Variants in HDLBP observed in about 807,000 individuals in gnomAD.
HDLBP encodes vigilin.
HDLBP carries 30 observed loss-of-function variants against 137.3 expected under a neutral mutation model. That is an observed-to-expected ratio of 0.22 (90% CI 0.16 to 0.30). The LOEUF (loss-of-function observed/expected upper bound fraction) is 0.30. HDLBP is among the 10% of genes least tolerant of loss of function. HDLBP has a pLI of 1.00. For missense variants in HDLBP, 1,119 were observed against 1,667.3 expected, an observed-to-expected ratio of 0.67 and a Z score of 5.73; for synonymous variants, 606 against 596.0, an observed-to-expected ratio of 1.02 and a Z score of -0.24.
rs899877903 is a variant in HDLBP at position 241,253,397 on chromosome 2, T to A, written c.1289A>T (p.Asp430Val). 5 of 1,601,480 alleles carry A rather than the reference T, an allele frequency of 3.1e-6. No homozygotes were observed. In the African/African-American group the frequency reaches 5.4e-5, roughly 17 times the overall value. ...AQEQIEGMVK[D>V]LINRMDYVEI... ...ACATTCCAAGGGGTACCTTACCAAA[T>A]CTTTGACCATGCCTTCTATCTGTTC... Residue 430 changes from aspartate (D) to valine (V), a missense_variant, in exon 10 of 28, where the codon GAT becomes GTT. By Grantham distance (152) the Asp-to-Val change is radical. Transcript: ENST00000310931.
intron 1 of HDLBP, among the ~76,000 whole-genome samples, chr2:241,310,474 TTTTA>T (rs2075726137): frequency 6.6e-6 from 1 of 152,238 alleles, no homozygotes; most frequent in Non-Finnish European, 1.5e-5. Flanking sequence ...GTTAACTTGA[TTTTA>T]TTATTTATTG....
intron 1 of HDLBP, among the ~76,000 whole-genome samples, chr2:241,300,753 G>A (rs952151479): frequency 6.6e-5 from 10 of 152,226 alleles, no homozygotes; most frequent in Admixed American, 2.0e-4. Context: ...GGCTGAACCC[G>A]GGGACACCCC....
intron 1 of HDLBP, among the ~76,000 whole-genome samples, chr2:241,293,203 A>G (rs112714780): frequency 4.1e-4 from 63 of 152,288 alleles, no homozygotes; most frequent in African/African-American, 1.4e-3. Context: ...AATTGATGAA[A>G]TATAAGACCA....
chr2:241,264,725 A>G, intron 3 of HDLBP, 120 bp from the exon 4 acceptor site: 3 of 906,914 alleles, frequency 3.3e-6, no homozygotes, highest in South Asian at 1.8e-5. Context: ...TCCAAGGACA[A>G]CTCCCCCCAC....
At chr2:241,259,320 T>C (rs1318436840) in intron 5 of HDLBP, among the ~76,000 whole-genome samples, 1 of 152,134 alleles carries the variant, frequency 6.6e-6, no homozygotes, top group African/African-American at 2.4e-5. Context: ...GGGAGCAGGG[T>C]GAAGGTAACA....
chr2:241,275,592 A>T (rs1198408341), intron 1 of HDLBP, among the ~76,000 whole-genome samples: 1 of 152,202 alleles, frequency 6.6e-6, no homozygotes, highest in East Asian at 1.9e-4. Flanking sequence ...AAGACAGAGA[A>T]GGTGTCTAGC....
intron 7 of HDLBP, 25 bp from the exon 8 acceptor site, chr2:241,255,605 A>G: frequency 6.3e-7 from 1 of 1,587,402 alleles, no homozygotes; most frequent in South Asian, 1.1e-5. Context: ...CATAAGGGGC[A>G]GTCAAAGGGA....
intron 1 of HDLBP, among the ~76,000 whole-genome samples, chr2:241,288,502 A>G (rs916596025): frequency 6.6e-6 from 1 of 152,220 alleles, no homozygotes; most frequent in Non-Finnish European, 1.5e-5. Context: ...AAAAATGGGC[A>G]GAGCTTATTC....
intron 5 of HDLBP, among the ~76,000 whole-genome samples, chr2:241,261,792 A>G (rs571164836): frequency 1.3e-5 from 2 of 152,288 alleles, no homozygotes; most frequent in South Asian, 4.1e-4. Flanking sequence ...CTGGACCTGC[A>G]TTAGGTGGCA....
chr2:241,302,123 G>C (rs1408416773), intron 1 of HDLBP, among the ~76,000 whole-genome samples: 1 of 151,852 alleles, frequency 6.6e-6, no homozygotes, highest in African/African-American at 2.4e-5. Context: ...GCCAGGTACA[G>C]TGCCTGTAGT....
At chr2:241,311,487 AG>A (rs1463729966) in intron 1 of HDLBP, among the ~76,000 whole-genome samples, 1 of 152,238 alleles carries the variant, frequency 6.6e-6, no homozygotes, top group Non-Finnish European at 1.5e-5. Flanking sequence ...GGAGAGTTAC[AG>A]GAAGATTTCA....
chr2:241,254,996 A>C, intron 9 of HDLBP, 55 bp downstream of exon 9: 1 of 1,336,066 alleles, frequency 7.5e-7, no homozygotes. Flanking sequence ...TATCAGAAAC[A>C]GAAAGACAGA....
Position 241,228,966 on chromosome 2 carries a change from G to A in HDLBP, c.*635C>T, listed in dbSNP as rs895071298. 3 of 153,036 alleles carry A rather than the reference G, an allele frequency of 2.0e-5. No individual in the cohort carries two copies. Among genetic ancestry groups the A allele is most frequent in the African/African-American group, 7.2e-5 (3 of 41,416 alleles). The allele number at this position is 153,036 out of a possible 1,614,324, so 9.5% of individuals were successfully genotyped here. ...AGTGGAGGTAGGGGCAGGGACCCTT[G>A]GTGCTTTCAGACCCCACGGCAGGTA... is the stretch of plus-strand genomic sequence containing the variant. On this transcript the variant is annotated 3_prime_UTR_variant, in exon 28 of 28. Transcript: ENST00000310931.
chr2:241,231,677 CCTCA>C (rs1477292367), intron 24 of HDLBP, among the ~76,000 whole-genome samples: 5 of 152,078 alleles, frequency 3.3e-5, no homozygotes, highest in Admixed American at 6.5e-5. Context: ...CGAGCCCCTC[CCTCA>C]CTCAGAGATC....
chr2:241,298,495 C>T (rs1354520297), intron 1 of HDLBP, among the ~76,000 whole-genome samples: 3 of 152,010 alleles, frequency 2.0e-5, no homozygotes, highest in African/African-American at 4.8e-5. Flanking sequence ...AACAATCAAC[C>T]GAATTAACTG....
In HDLBP at chr2:241,255,084, C is replaced by T. The variant is rs780063807; in HGVS notation, c.1155G>A (p.Gln385=). The T allele has an allele frequency of 6.2e-6, 10 of 1,614,018 alleles. No individual in the cohort carries two copies. In the South Asian group the frequency reaches 8.8e-5, roughly 14 times the overall value. Residue 385 remains glutamine (Q), a synonymous_variant, in exon 9 of 28, where the codon CAG becomes CAA. Transcript: ENST00000310931. ...LHRFIIGKKG[Q]NLAKITQQMP... is the part of the protein sequence containing the mutation. ...TCTGCTGAGTGATTTTGGCCAGGTT[C>T]TGCCCTTTCTTGCCAATGATGAAAC...
At chr2:241,267,429 G>T (rs1002621510) in intron 2 of HDLBP, 2 of 710,876 alleles carry the variant, frequency 2.8e-6, no homozygotes, top group African/African-American at 3.5e-5. Flanking sequence ...AGGGGCCACA[G>T]AGACACAGTC....
chr2:241,293,724 A>T (rs747541667), intron 1 of HDLBP, among the ~76,000 whole-genome samples: 1 of 151,962 alleles, frequency 6.6e-6, no homozygotes, highest in Admixed American at 6.6e-5. Context: ...GTTTAAGACC[A>T]GCCTGGGCAA....
At chr2:241,248,159 GA>G (rs772982962) in intron 13 of HDLBP, 43 bp from the exon 14 acceptor site, 3 of 1,555,984 alleles carry the variant, frequency 1.9e-6, no homozygotes, top group Non-Finnish European at 2.7e-6. Flanking sequence ...TATGAGGAAG[GA>G]CATATATCCC....
Sources: allele counts gnomAD v4.1 joint callset (sites outside exome capture counted in the v4.1 genomes callset), GRCh38; gene constraint gnomAD v4.1.1; transcripts MANE v1.5; gene names NCBI Gene and HGNC (gene_info 2026-07-23, HGNC 2026-07-21).